GPR158: variants seen among roughly 807,000 people sequenced by gnomAD.
The protein encoded by GPR158 is metabotropic glycine receptor.
In GPR158, 30 loss-of-function variants were observed where a neutral mutation model predicts 78.2. The ratio of observed to expected loss-of-function variants is 0.38; its 90% CI spans 0.29 to 0.52. GPR158 has a LOEUF of 0.52. Ranked by LOEUF, GPR158 falls within the 20% of genes least tolerant of loss-of-function variation. The probability of loss-of-function intolerance (pLI) is 0.83; values close to 1 mark genes in which losing one functional copy is unlikely to be tolerated. For synonymous variants in GPR158, 581 were observed against 591.1 expected (o/e 0.98, Z 0.25); for missense variants, 1,463 against 1,523.5 (o/e 0.96, Z 0.66).
At position 25,249,321 on chromosome 10, in the gene GPR158, C is replaced by T. The variant is rs933186756; in HGVS notation, c.1008+28164C>T. Among the ~76,000 whole-genome samples, 244 of 152,192 alleles carry T rather than the reference C, an allele frequency of 1.6e-3. 1 individual carries two copies. Among genetic ancestry groups the T allele is most frequent in the South Asian group, 4.8e-3 (23 of 4,822 alleles). On this transcript the variant is annotated intron_variant, in intron 2 of 10. Transcript: ENST00000376351. ...CCTTTATTTCCTTCTCCTGCCTAATCGCCCTGGCCAGAACTTCCAACACTA... is the reference window on the plus strand; with the variant it reads ...CCTTTATTTCCTTCTCCTGCCTAATTGCCCTGGCCAGAACTTCCAACACTA...
In GPR158 at chr10:25,598,397, G is replaced by T; in HGVS notation, c.2771G>T (p.Gly924Val). ...LGLAGKTQTA[G>V]VEERTKSQKP... ...TTAGCTGGGAAAACCCAAACAGCAG[G>T]TGTGGAAGAACGCACTAAATCCCAG... Residue 924 changes from glycine (G) to valine (V), a missense_variant, in exon 11 of 11, where the codon GGT (glycine) becomes GTT (valine). Gly to Val is a moderately radical substitution (Grantham distance 109). Coordinates refer to ENST00000376351, the MANE Select transcript of GPR158 (RefSeq NM_020752.3). The T allele has an allele frequency of 1.2e-6, 2 of 1,614,082 alleles. No homozygotes were observed. The highest frequency in any genetic ancestry group is 2.2e-5 in the South Asian group (2 of 91,076).
At chr10:25,367,357 A>G (rs1307665139) in intron 2 of GPR158, among the ~76,000 whole-genome samples, 3 of 151,516 alleles carry the variant, frequency 2.0e-5, no homozygotes, top group Admixed American at 1.3e-4. Flanking sequence ...TTCTTGACTT[A>G]TGTCAATACT....
chr10:25,241,339 T>TCTTCTCTTC (rs1853620762), intron 2 of GPR158, among the ~76,000 whole-genome samples: 1 of 87,896 alleles, frequency 1.1e-5, no homozygotes, highest in African/African-American at 5.6e-5. Context: ...CTCTTCTCTT[T>TCTTCTCTTC]TCTCTTTTCT....
intron 5 of GPR158, among the ~76,000 whole-genome samples, chr10:25,479,051 G>A (rs1056361334): frequency 6.6e-6 from 1 of 151,976 alleles, no homozygotes; most frequent in Non-Finnish European, 1.5e-5. Context: ...ATCATTGATG[G>A]ACATTTGGGT....
intron 5 of GPR158, among the ~76,000 whole-genome samples, chr10:25,513,045 T>C (rs569552438): frequency 1.3e-5 from 2 of 152,294 alleles, no homozygotes; most frequent in East Asian, 1.9e-4. Flanking sequence ...ATTGGCTTCA[T>C]AGAATGATTC....
At chr10:25,459,210 C>G (rs1404872576) in intron 4 of GPR158, among the ~76,000 whole-genome samples, 1 of 152,030 alleles carries the variant, frequency 6.6e-6, no homozygotes, top group Non-Finnish European at 1.5e-5. Context: ...GTCCCTCTGT[C>G]CATGAATTTC....
chr10:25,447,715 C>T (rs188590561), intron 4 of GPR158, among the ~76,000 whole-genome samples: 2 of 152,198 alleles, frequency 1.3e-5, no homozygotes, highest in Non-Finnish European at 2.9e-5. Flanking sequence ...GTGGCACTGA[C>T]TTCATATATG....
At chr10:25,588,092 A>T (rs1837293961) in intron 7 of GPR158, among the ~76,000 whole-genome samples, 1 of 152,246 alleles carries the variant, frequency 6.6e-6, no homozygotes, top group South Asian at 2.1e-4. Flanking sequence ...GAAAAAAGTC[A>T]AATGAAATGT....
chr10:25,447,196 T>A (rs1835148578), intron 4 of GPR158, among the ~76,000 whole-genome samples: 1 of 152,214 alleles, frequency 6.6e-6, no homozygotes, highest in African/African-American at 2.4e-5. Context: ...ATAATTTTTA[T>A]GTGCAGTGAG....
At chr10:25,528,368 GAAGC>G (rs1836378807) in intron 5 of GPR158, among the ~76,000 whole-genome samples, 1 of 151,812 alleles carries the variant, frequency 6.6e-6, no homozygotes, top group Non-Finnish European at 1.5e-5. Context: ...CATTAGATGG[GAAGC>G]ACTAAAATAT....
chr10:25,251,841 C>T (rs1238390811), intron 2 of GPR158, among the ~76,000 whole-genome samples: 1 of 150,654 alleles, frequency 6.6e-6, no homozygotes, highest in African/African-American at 2.4e-5. Flanking sequence ...TCTGTATTTC[C>T]TGAATCTGAA....
chr10:25,481,342 G>A (rs182024024), intron 5 of GPR158, among the ~76,000 whole-genome samples: 7 of 152,262 alleles, frequency 4.6e-5, no homozygotes, highest in Non-Finnish European at 7.4e-5. Context: ...TGCAGATTAT[G>A]GGGGTCAGTG....
chr10:25,488,695 G>A (rs1421199435), intron 5 of GPR158, among the ~76,000 whole-genome samples: 3 of 152,030 alleles, frequency 2.0e-5, no homozygotes, highest in South Asian at 2.1e-4. Flanking sequence ...TGCTTGGAAG[G>A]AAAGTAATTA....
chr10:25,374,626 TAG>T (rs1402145291), intron 2 of GPR158, among the ~76,000 whole-genome samples: 3 of 151,748 alleles, frequency 2.0e-5, no homozygotes, highest in Non-Finnish European at 4.4e-5. Context: ...TTTTTAAATT[TAG>T]AGTGTTGTCT....
chr10:25,576,116 A>G (rs928937383), intron 7 of GPR158, among the ~76,000 whole-genome samples: 2 of 151,962 alleles, frequency 1.3e-5, no homozygotes, highest in Admixed American at 1.3e-4. Context: ...GATGAATTGT[A>G]TACTGGTGAA....
intron 7 of GPR158, among the ~76,000 whole-genome samples, chr10:25,574,876 C>CTT (rs1219270629): frequency 1.3e-5 from 2 of 151,888 alleles, no homozygotes; most frequent in Non-Finnish European, 2.9e-5. Flanking sequence ...CAGAGTGAGA[C>CTT]TTTGTCTCAA....
At position 25,395,914 on chromosome 10, in the gene GPR158, A is replaced by G; in HGVS notation, c.1012A>G (p.Met338Val). 1 of 1,532,158 alleles carries G rather than the reference A, an allele frequency of 6.5e-7. No individual in the cohort carries two copies. Among genetic ancestry groups the G allele is most frequent in the South Asian group, 1.1e-5 (1 of 89,440 alleles). The allele number at this position is 1,532,158 out of a possible 1,614,324, so 94.9% of individuals were successfully genotyped here. The change falls in exon 3 of 11, where the codon ATG becomes GTG. Residue 338 changes from methionine to valine, a missense_variant. Transcript: ENST00000376351. ...HKCHLNNSEC[M>V]PIKGLGFVLG... is the part of the protein sequence containing the mutation. ...TGCTGTCTTTTCTTCTTCATAGTGT[A>G]TGCCAATTAAAGGCCTAGGATTCGT...
At chr10:25,254,570 A>G (rs1464737866) in intron 2 of GPR158, among the ~76,000 whole-genome samples, 1 of 152,212 alleles carries the variant, frequency 6.6e-6, no homozygotes, top group Non-Finnish European at 1.5e-5. Flanking sequence ...CTAAGTTATG[A>G]AATAAGTAGT....
intron 5 of GPR158, among the ~76,000 whole-genome samples, chr10:25,529,649 A>C (rs544928987): frequency 1.1e-4 from 16 of 152,218 alleles, no homozygotes; most frequent in Admixed American, 5.2e-4. Flanking sequence ...ATGCCAAGAA[A>C]TTGTGGTGAG....
Sources: allele counts gnomAD v4.1 joint callset (sites outside exome capture counted in the v4.1 genomes callset), GRCh38; gene constraint gnomAD v4.1.1; transcripts MANE v1.5; gene names NCBI Gene and HGNC (gene_info 2026-07-23, HGNC 2026-07-21).